The following MAD1L1 variants were observed in gnomAD, a reference collection of about 807,000 sequenced individuals.
The protein encoded by MAD1L1 is mitotic arrest deficient 1 like 1, also known as mitotic spindle assembly checkpoint protein MAD1.
A neutral mutation model predicts 96.9 loss-of-function variants in MAD1L1; 95 were observed. The observed-to-expected ratio is 0.98, with a 90% CI of 0.83 to 1.16. The LOEUF (loss-of-function observed/expected upper bound fraction) is 1.16. Ranked by LOEUF, MAD1L1 falls within the 50% of genes most tolerant of loss-of-function variation. MAD1L1 has a pLI of 0.00. For synonymous variants in MAD1L1, 473 were observed against 396.6 expected, an observed-to-expected ratio of 1.19 and a Z score of -2.29; for missense variants, 1,007 against 954.4, an observed-to-expected ratio of 1.06 and a Z score of -0.73.
intron 10 of MAD1L1, among the ~76,000 whole-genome samples, chr7:2,172,585 C>T (rs1790757556): frequency 6.6e-6 from 1 of 152,212 alleles, no homozygotes; most frequent in South Asian, 2.1e-4. Context: ...ACGGGGCAGC[C>T]CAGGCGCAGC....
intron 12 of MAD1L1, among the ~76,000 whole-genome samples, chr7:2,016,651 T>C (rs1446353424): frequency 6.8e-6 from 1 of 147,316 alleles, no homozygotes; most frequent in East Asian, 2.0e-4. Flanking sequence ...CAGAAGACCC[T>C]GGAGCTCAGG....
intron 14 of MAD1L1, among the ~76,000 whole-genome samples, chr7:1,995,188 G>C (rs1052254972): frequency 6.6e-6 from 1 of 152,168 alleles, no homozygotes; most frequent in African/African-American, 2.4e-5. Flanking sequence ...TGGCCAGCAC[G>C]ATTCCTTCCA....
intron 10 of MAD1L1, among the ~76,000 whole-genome samples, chr7:2,186,428 A>ACAGGC (rs1450315460): frequency 6.6e-6 from 1 of 152,274 alleles, no homozygotes; most frequent in Non-Finnish European, 1.5e-5. Context: ...ATATAACAAT[A>ACAGGC]CAGGCCGTAT....
chr7:2,215,175 C>A (rs980617223), intron 9 of MAD1L1, among the ~76,000 whole-genome samples: 3 of 152,124 alleles, frequency 2.0e-5, no homozygotes, highest in Non-Finnish European at 4.4e-5. Flanking sequence ...TCCAAGAGAT[C>A]AAGACCATCC....
chr7:2,229,714 T>C (rs1336409814), intron 3 of MAD1L1, among the ~76,000 whole-genome samples: 1 of 152,258 alleles, frequency 6.6e-6, no homozygotes, highest in Non-Finnish European at 1.5e-5. Context: ...CCAGGGTCTG[T>C]GAGTGCACTT....
intron 10 of MAD1L1, among the ~76,000 whole-genome samples, chr7:2,156,636 A>T (rs775042137): frequency 2.6e-5 from 4 of 152,166 alleles, no homozygotes; most frequent in African/African-American, 9.7e-5. Flanking sequence ...CCTGGCCAAC[A>T]TGGTGAAACC....
chr7:1,899,694 G>T (rs1264984295), intron 17 of MAD1L1, among the ~76,000 whole-genome samples: 3 of 152,204 alleles, frequency 2.0e-5, no homozygotes, highest in Non-Finnish European at 4.4e-5. Flanking sequence ...CACTCTAGGG[G>T]AGTGTGAGGA....
rs970005139 is a variant in MAD1L1, at chr7:2,114,990, C to T, written c.1073+34162G>A. Among the ~76,000 whole-genome samples, 3 of 152,238 alleles carry T rather than the reference C, an allele frequency of 2.0e-5. No homozygotes were observed. The highest frequency in any genetic ancestry group is 6.5e-5 in the Admixed American group (1 of 15,292). On this transcript the variant is annotated intron_variant, in intron 11 of 18. Coordinates refer to ENST00000265854, the MANE Select transcript of MAD1L1 (RefSeq NM_001013836.2). The surrounding 1 kb of genome is among the most constrained non-coding windows in gnomAD (Gnocchi z 4.2). The stretch of plus-strand genomic sequence containing the variant: ...TCTGTTCCCAGGGTAGAAACAGTGA[C>T]GGGCCAGTGCAGCAGAGAAGAGCAG...
At chr7:2,125,894 G>A (rs1435576059) in intron 11 of MAD1L1, among the ~76,000 whole-genome samples, 1 of 152,242 alleles carries the variant, frequency 6.6e-6, no homozygotes, top group East Asian at 1.9e-4. Flanking sequence ...TGTTTTAAGC[G>A]TTGAGCCAGC....
At chr7:1,818,363 T>TG (rs1354957937) in intron 18 of MAD1L1, among the ~76,000 whole-genome samples, 1 of 152,060 alleles carries the variant, frequency 6.6e-6, no homozygotes, top group Non-Finnish European at 1.5e-5. Context: ...TGGCAGGCTT[T>TG]GGGAGCCTGG....
At chr7:1,874,868 G>A (rs904218524) in intron 18 of MAD1L1, among the ~76,000 whole-genome samples, 2 of 152,064 alleles carry the variant, frequency 1.3e-5, no homozygotes, top group Non-Finnish European at 2.9e-5. Context: ...AGAGGCCTCC[G>A]GCTCTGCAGC....
intron 10 of MAD1L1, among the ~76,000 whole-genome samples, chr7:2,160,496 C>T (rs954926235): frequency 1.1e-4 from 17 of 151,650 alleles, no homozygotes; most frequent in African/African-American, 3.6e-4. Flanking sequence ...CCATGCCCAG[C>T]TAATTTTTCT....
chr7:1,875,336 C>T (rs1785326445), intron 18 of MAD1L1, among the ~76,000 whole-genome samples: 1 of 152,178 alleles, frequency 6.6e-6, no homozygotes, highest in Admixed American at 6.5e-5. Flanking sequence ...AGCCGAGAGA[C>T]CAAGAAGAAA....
intron 18 of MAD1L1, among the ~76,000 whole-genome samples, chr7:1,856,226 C>A (rs962048686): frequency 6.6e-6 from 1 of 152,220 alleles, no homozygotes; most frequent in Non-Finnish European, 1.5e-5. Flanking sequence ...ATGGCTGGAC[C>A]GGGGAGGGGT....
In MAD1L1 at chr7:1,879,505, A is replaced by G. The variant is rs944638644; in HGVS notation, c.1998+18695T>C. Among the ~76,000 whole-genome samples the G allele has an allele frequency of 3.3e-5, 5 of 152,026 alleles. No individual in the cohort carries two copies. In the East Asian group the frequency reaches 9.6e-4, roughly 29 times the overall value. On this transcript the variant is annotated intron_variant, in intron 18 of 18. Transcript: ENST00000265854. ...CAGTTCTTCCCAAATTGATCTACAG[A>G]TTGAATGTAATCCAAATCAAAGTCC... is the stretch of plus-strand genomic sequence containing the variant.
At chr7:2,210,808 C>G (rs1028797624) in intron 10 of MAD1L1, among the ~76,000 whole-genome samples, 2 of 152,256 alleles carry the variant, frequency 1.3e-5, no homozygotes, top group Non-Finnish European at 2.9e-5. Context: ...GGTCGACCCC[C>G]ACAGCGAGGA....
intron 9 of MAD1L1, among the ~76,000 whole-genome samples, chr7:2,213,843 T>A (rs1793115054): frequency 6.6e-6 from 1 of 152,236 alleles, no homozygotes; most frequent in African/African-American, 2.4e-5. Context: ...TGTCCCATGC[T>A]GAGCCGCATC....
intron 18 of MAD1L1, among the ~76,000 whole-genome samples, chr7:1,896,991 G>A (rs1786916390): frequency 6.6e-6 from 1 of 152,236 alleles, no homozygotes; most frequent in Non-Finnish European, 1.5e-5. Flanking sequence ...TAAAGACTTG[G>A]TGTGTTTTTA....
intron 16 of MAD1L1, among the ~76,000 whole-genome samples, chr7:1,941,292 C>A (rs943010721): frequency 1.4e-4 from 21 of 152,222 alleles, no homozygotes; most frequent in African/African-American, 4.3e-4. Flanking sequence ...AGCCCCAGCC[C>A]CCAGCCCCCA....
Sources: gnomAD v4.1 joint callset for allele counts (sites outside exome capture counted in the v4.1 genomes callset) on GRCh38, gnomAD v4.1.1 for gene constraint, Gnocchi (gnomAD v3.1) non-coding constraint, MANE v1.5 for transcripts, NCBI Gene and HGNC (gene_info 2026-07-23, HGNC 2026-07-21) for gene names.